TMCO4: variants seen among roughly 807,000 people sequenced by gnomAD.
The protein encoded by TMCO4 is transmembrane and coiled-coil domains 4.
Under a neutral mutation model 64.7 loss-of-function variants are expected in TMCO4, and 58 were observed. The ratio of observed to expected loss-of-function variants is 0.90; its 90% CI spans 0.73 to 1.12. The LOEUF is 1.12. TMCO4 is among the 50% of genes most tolerant of loss of function. TMCO4 has a pLI of 0.00. For synonymous variants in TMCO4, 325 were observed against 346.1 expected, an observed-to-expected ratio of 0.94 and a Z score of 0.68; for missense variants, 780 against 825.9, an observed-to-expected ratio of 0.94 and a Z score of 0.68.
In TMCO4 at chr1:19,714,720, C is replaced by T. The variant is rs184067479; in HGVS notation, c.1265-13835G>A. ...AGCGGGTCACCTGAGGCCAGGAGTT[C>T]GGGACCAGCCTGACCAACATGGTGA... is the stretch of plus-strand genomic sequence containing the variant. On this transcript the variant is annotated intron_variant, in intron 13 of 15. Transcript: ENST00000294543. 1.4e-3 allele frequency among the ~76,000 whole-genome samples: 215 copies of T among 151,978 alleles called. 1 individual carries two copies. The highest frequency in any genetic ancestry group is 4.9e-3 in the African/African-American group (201 of 41,442).
chr1:19,795,507 T>TA (rs200210349), intron 2 of TMCO4, among the ~76,000 whole-genome samples: 1,548 of 152,110 alleles, frequency 0.01, 18 homozygotes, highest in South Asian at 0.03. Context: ...ATTAAAAATT[T>TA]AAAAAAAATT....
At chr1:19,796,596 G>A (rs2044318938) in intron 2 of TMCO4, among the ~76,000 whole-genome samples, 1 of 151,932 alleles carries the variant, frequency 6.6e-6, no homozygotes, top group South Asian at 2.1e-4. Context: ...ATTTTTTTGA[G>A]ATGGAGTCTT....
intron 8 of TMCO4, 140 bp downstream of exon 8, chr1:19,747,023 G>A (rs1475611521): frequency 4.2e-6 from 3 of 717,882 alleles, no homozygotes; most frequent in Non-Finnish European, 4.8e-6. Flanking sequence ...TGAGCACACC[G>A]ACTACTCACT....
intron 7 of TMCO4, among the ~76,000 whole-genome samples, chr1:19,752,071 T>G (rs910465399): frequency 6.6e-6 from 1 of 152,016 alleles, no homozygotes; most frequent in Non-Finnish European, 1.5e-5. Flanking sequence ...ATTTTTTTTT[T>G]GTACATAAAA....
intron 13 of TMCO4, among the ~76,000 whole-genome samples, chr1:19,735,091 T>C (rs1216310178): frequency 6.6e-6 from 1 of 152,146 alleles, no homozygotes; most frequent in Non-Finnish European, 1.5e-5. Context: ...AGACCCTGCC[T>C]ACCTGGACTT....
rs1192555510 is a variant in TMCO4, at chr1:19,694,459, A to G, written c.1475T>C (p.Val492Ala). 6 of 1,613,814 alleles carry G rather than the reference A, an allele frequency of 3.7e-6. No individual in the cohort carries two copies. Among genetic ancestry groups the G allele is most frequent in the Middle Eastern group, 1.6e-4 (1 of 6,084 alleles). The change falls in exon 15 of 16, where the codon GTG (valine) becomes GCG (alanine). Residue 492 changes from valine (V) to alanine (A), a missense_variant. By Grantham distance (64) the Val-to-Ala change is moderately conservative. Transcript: ENST00000294543. The part of the protein sequence containing the change: ...LQPVLLQDRR[V>A]ENVDLTSVVS... ...CACAGAGGTCAGGTCCACGTTCTCC[A>G]CCCTCCTGTCCTGCAGCAGCACGGG...
rs541336159 is a variant in TMCO4 at position 19,709,112 on chromosome 1, C to T, written c.1265-8227G>A. ...CGGCTTTGACTGTACCCCCAAGCCCCGCAGTGGAATGAGGTTCACACTGGA... is the reference window on the plus strand; with the variant it reads ...CGGCTTTGACTGTACCCCCAAGCCCTGCAGTGGAATGAGGTTCACACTGGA... On this transcript the variant is annotated intron_variant, in intron 13 of 15. Transcript: ENST00000294543. 3.3e-5 allele frequency among the ~76,000 whole-genome samples: 5 copies of T among 152,234 alleles called. No homozygotes were observed. In the South Asian group the frequency reaches 8.3e-4, roughly 25 times the overall value.
chr1:19,743,703 C>T lies in TMCO4; in HGVS notation c.877+1829G>A, dbSNP rs1313003172. ...CGGCCAGACTTGCAAATTCCTTTAC[C>T]TGGGCTCTTGTTCTTGCTCCTTCCT... On this transcript the variant is annotated intron_variant, in intron 10 of 15. Transcript: ENST00000294543. This position sits in a 1 kb window ranked among gnomAD's most constrained non-coding sequence, Gnocchi z 4.1. Among the ~76,000 whole-genome samples, 1 of 152,188 alleles carries T rather than the reference C, an allele frequency of 6.6e-6. No individual in the cohort carries two copies. Among genetic ancestry groups the T allele is most frequent in the Admixed American group, 6.5e-5 (1 of 15,290 alleles).
At chr1:19,779,812 C>A (rs1465237076) in intron 4 of TMCO4, among the ~76,000 whole-genome samples, 2 of 152,206 alleles carry the variant, frequency 1.3e-5, no homozygotes, top group Non-Finnish European at 2.9e-5. Context: ...CTTATCCGTT[C>A]CTGGACGGTG....
chr1:19,697,748 G>C (rs1209359813), intron 14 of TMCO4, among the ~76,000 whole-genome samples: 8 of 149,454 alleles, frequency 5.4e-5, no homozygotes, highest in African/African-American at 7.4e-5. Context: ...ACAGGTGTGC[G>C]CCACCATGCC....
At chr1:19,714,744 G>A (rs1014740859) in intron 13 of TMCO4, among the ~76,000 whole-genome samples, 3 of 152,072 alleles carry the variant, frequency 2.0e-5, no homozygotes, top group African/African-American at 7.2e-5. Flanking sequence ...CCAACATGGT[G>A]AAACCCCGTC....
chr1:19,754,047 C>T (rs1204821470), intron 7 of TMCO4, among the ~76,000 whole-genome samples: 1 of 152,098 alleles, frequency 6.6e-6, no homozygotes, highest in Non-Finnish European at 1.5e-5. Context: ...GTGAGGAGGG[C>T]GCTACTATTA....
At chr1:19,701,003 C>G (rs765451130) in intron 13 of TMCO4, 118 bp from the exon 14 acceptor site, 1 of 770,458 alleles carries the variant, frequency 1.3e-6, no homozygotes, top group African/African-American at 1.7e-5. Context: ...CACACGTGAA[C>G]GTGGACAATC....
intron 13 of TMCO4, among the ~76,000 whole-genome samples, chr1:19,721,829 A>T (rs975401551): frequency 6.6e-6 from 1 of 151,990 alleles, no homozygotes; most frequent in Non-Finnish European, 1.5e-5. Context: ...CAACACACAC[A>T]CACACACGTT....
chr1:19,696,027 A>G (rs2095234163), intron 14 of TMCO4, among the ~76,000 whole-genome samples: 1 of 152,028 alleles, frequency 6.6e-6, no homozygotes, highest in Non-Finnish European at 1.5e-5. Context: ...CCCATGGATG[A>G]ATGCGACGGC....
chr1:19,728,277 C>T (rs1200415687), intron 13 of TMCO4, among the ~76,000 whole-genome samples: 3 of 152,182 alleles, frequency 2.0e-5, no homozygotes, highest in Non-Finnish European at 4.4e-5. Context: ...GAGAGCTACT[C>T]CACCTTTCTC....
chr1:19,726,914 T>C (rs941332826), intron 13 of TMCO4, among the ~76,000 whole-genome samples: 2 of 152,244 alleles, frequency 1.3e-5, no homozygotes, highest in African/African-American at 4.8e-5. Flanking sequence ...AGGCCAGGGA[T>C]TCCCACGGGA....
chr1:19,685,975 C>T (rs960548067), intron 15 of TMCO4, among the ~76,000 whole-genome samples: 9 of 152,080 alleles, frequency 5.9e-5, no homozygotes, highest in African/African-American at 1.9e-4. Context: ...GATCCACCCA[C>T]CTCGGCCTCC....
At position 19,755,701 on chromosome 1, in the gene TMCO4, C is replaced by T; in HGVS notation, c.448G>A (p.Glu150Lys). 6.2e-7 allele frequency: 1 copy of T among 1,614,138 alleles called. No individual in the cohort carries two copies. Among genetic ancestry groups the T allele is most frequent in the Non-Finnish European group, 8.5e-7 (1 of 1,180,016 alleles). ...HMTSLLQVPLEELDVLEEMFL... is the reference protein window; with the variant it reads ...HMTSLLQVPLKELDVLEEMFL... Reference sequence around the variant, plus strand: ...ATCTCTTCAAGGACATCCAGCTCCTCCAAGGGCACTTGGAGCAGGGAGGTC... The same window carrying T: ...ATCTCTTCAAGGACATCCAGCTCCTTCAAGGGCACTTGGAGCAGGGAGGTC... The change falls in exon 7 of 16, where the codon GAG (glutamate) becomes AAG (lysine). Residue 150 changes from glutamate (E) to lysine (K), a missense_variant. Glu to Lys is a moderately conservative substitution (Grantham distance 56). Coordinates refer to ENST00000294543, the MANE Select transcript of TMCO4 (RefSeq NM_181719.7).
Sources: gnomAD v4.1 joint callset for allele counts (sites outside exome capture counted in the v4.1 genomes callset) on GRCh38, gnomAD v4.1.1 for gene constraint, Gnocchi (gnomAD v3.1) non-coding constraint, MANE v1.5 for transcripts, NCBI Gene and HGNC (gene_info 2026-07-23, HGNC 2026-07-21) for gene names.